The following DIPK1A variants were observed in gnomAD, a reference collection of about 807,000 sequenced individuals.
DIPK1A encodes the protein divergent protein kinase domain 1A, also known as family with sequence similarity 69 member A.
A neutral mutation model predicts 40.8 loss-of-function variants in DIPK1A; 27 were observed. That is an observed-to-expected ratio of 0.66 (90% CI 0.49 to 0.91). The LOEUF (loss-of-function observed/expected upper bound fraction) is 0.91. DIPK1A is among the 40% of genes least tolerant of loss of function. The pLI is 0.00. For synonymous variants in DIPK1A, 166 were observed against 171.3 expected (o/e 0.97, Z 0.24); for missense variants, 412 against 505.7 (o/e 0.81, Z 1.78).
intron 1 of DIPK1A, among the ~76,000 whole-genome samples, chr1:92,923,427 CA>C (rs1370054319): frequency 6.6e-6 from 1 of 152,208 alleles, no homozygotes; most frequent in Non-Finnish European, 1.5e-5. Context: ...TGAGCCACCT[CA>C]CTCAGCCTGT....
At chr1:92,933,483 GAGGCC>G (rs1284400203) in intron 1 of DIPK1A, 1 of 152,186 alleles carries the variant, frequency 6.6e-6, no homozygotes, top group Admixed American at 6.5e-5. Context: ...AAGACTGCTT[GAGGCC>G]AGGAGTTTGA....
chr1:92,875,713 C>CA (rs748661421), intron 2 of DIPK1A, among the ~76,000 whole-genome samples: 1,617 of 54,134 alleles, frequency 0.03, 10 homozygotes, highest in South Asian at 0.091. Flanking sequence ...GACTTCGTCT[C>CA]AAAAAAAAAA....
chr1:92,961,303 G>A (rs1652079877), intron 1 of DIPK1A, 73 bp downstream of exon 1: 1 of 1,172,760 alleles, frequency 8.5e-7, no homozygotes, highest in Non-Finnish European at 1.2e-6. Context: ...GGGAGCGGGC[G>A]AGTCCTGCGC....
At chr1:92,861,982 A>G (rs1452738534) in intron 2 of DIPK1A, among the ~76,000 whole-genome samples, 4 of 152,042 alleles carry the variant, frequency 2.6e-5, no homozygotes, top group Non-Finnish European at 5.9e-5. Flanking sequence ...GTTTCGCCAT[A>G]TTGCTCAGGC....
chr1:92,944,922 C>T lies in DIPK1A; in HGVS notation c.54+16454G>A, dbSNP rs977593338. Among the ~76,000 whole-genome samples, 4 of 152,226 alleles carry T rather than the reference C, an allele frequency of 2.6e-5. 1 individual carries two copies. The highest frequency in any genetic ancestry group is 2.0e-4 in the Admixed American group (3 of 15,280). Reference sequence around the variant, plus strand: ...AAAGTGCTGGGATCACAGGGGTGAGCCACTGTGCCTGGCCAAAGACAGTTT... The same window carrying T: ...AAAGTGCTGGGATCACAGGGGTGAGTCACTGTGCCTGGCCAAAGACAGTTT... On this transcript the variant is annotated intron_variant, in intron 1 of 4. Coordinates refer to ENST00000370310, the MANE Select transcript of DIPK1A (RefSeq NM_001006605.5).
intron 1 of DIPK1A, among the ~76,000 whole-genome samples, chr1:92,916,425 C>T (rs1357675152): frequency 6.6e-6 from 1 of 151,432 alleles, no homozygotes; most frequent in Non-Finnish European, 1.5e-5. Flanking sequence ...CCTCAGTCTT[C>T]CAAGTAGCTG....
At chr1:92,918,363 G>A (rs1375704195) in intron 1 of DIPK1A, among the ~76,000 whole-genome samples, 1 of 152,110 alleles carries the variant, frequency 6.6e-6, no homozygotes, top group Non-Finnish European at 1.5e-5. Flanking sequence ...TGGCCAGGCT[G>A]GTCTTGAACT....
intron 1 of DIPK1A, among the ~76,000 whole-genome samples, chr1:92,912,785 A>G (rs895962732): frequency 6.6e-6 from 1 of 152,178 alleles, no homozygotes; most frequent in African/African-American, 2.4e-5. Flanking sequence ...ACTACCAGCC[A>G]CAACATCATG....
In DIPK1A at chr1:92,954,652, G is replaced by C. The variant is rs562002884; in HGVS notation, c.54+6724C>G. Among the ~76,000 whole-genome samples the C allele has an allele frequency of 2.0e-5, 3 of 152,200 alleles. No individual in the cohort carries two copies. The South Asian group carries it at 6.2e-4, about 32-fold the overall frequency. On this transcript the variant is annotated intron_variant, in intron 1 of 4. Transcript: ENST00000370310. ...AGCCTCTCAAAGTGCTGGGATTACA[G>C]ACGTGAGCCTCCGTGCCCAGCCGAC...
At chr1:92,844,247 C>G in intron 4 of DIPK1A, 52 bp from the exon 5 acceptor site, 1 of 1,130,592 alleles carries the variant, frequency 8.8e-7, no homozygotes. Flanking sequence ...ACCTCCCATG[C>G]AACATACTAA....
intron 2 of DIPK1A, among the ~76,000 whole-genome samples, chr1:92,874,067 A>G (rs1351139612): frequency 1.3e-5 from 2 of 152,194 alleles, no homozygotes; most frequent in East Asian, 1.9e-4. Context: ...AAAATGATGT[A>G]TTTTAGACTC....
At chr1:92,910,950 T>G (rs1337920833) in intron 1 of DIPK1A, among the ~76,000 whole-genome samples, 2 of 152,208 alleles carry the variant, frequency 1.3e-5, no homozygotes. Context: ...GTTGCCTTTT[T>G]ATAGCCACAT....
At chr1:92,837,154 G>T in intron 4 of DIPK1A, 1 of 492,114 alleles carries the variant, frequency 2.0e-6, no homozygotes, top group Non-Finnish European at 3.8e-6. Context: ...AGGATTTAGA[G>T]TATAAGTTTT....
At chr1:92,835,691 G>C (rs1056323000) in intron 4 of DIPK1A, among the ~76,000 whole-genome samples, 2 of 150,134 alleles carry the variant, frequency 1.3e-5, no homozygotes, top group Non-Finnish European at 3.0e-5. Context: ...GAGAATCTTA[G>C]TGTTTTGGAG....
intron 2 of DIPK1A, among the ~76,000 whole-genome samples, chr1:92,868,343 G>T (rs1375343574): frequency 6.6e-6 from 1 of 152,166 alleles, no homozygotes; most frequent in East Asian, 1.9e-4. Context: ...AAACGTACAT[G>T]GTGTTACTAA....
At chr1:92,840,763 G>A (rs755092226), downstream of DIPK1A, 2 of 783,046 alleles carry the variant, frequency 2.6e-6, no homozygotes, top group Non-Finnish European at 4.6e-6. Context: ...CAGAAGCGAA[G>A]GGAACCAGGT....
At chr1:92,913,046 G>C (rs1165647806) in intron 1 of DIPK1A, among the ~76,000 whole-genome samples, 2 of 152,124 alleles carry the variant, frequency 1.3e-5, no homozygotes, top group Non-Finnish European at 2.9e-5. Flanking sequence ...CGGGGCTGCA[G>C]TGAGCAGCCT....
intron 1 of DIPK1A, among the ~76,000 whole-genome samples, chr1:92,893,147 G>C (rs1269787210): frequency 1.3e-5 from 2 of 151,404 alleles, no homozygotes; most frequent in Non-Finnish European, 2.9e-5. Flanking sequence ...AGGAAATACA[G>C]AGAACGCCAC....
chr1:92,895,086 C>A (rs1395601827), intron 1 of DIPK1A, among the ~76,000 whole-genome samples: 1 of 152,074 alleles, frequency 6.6e-6, no homozygotes, highest in Non-Finnish European at 1.5e-5. Context: ...CAAGGAGGAG[C>A]TGGTACCATT....
Sources: allele counts gnomAD v4.1 joint callset (sites outside exome capture counted in the v4.1 genomes callset), GRCh38; gene constraint gnomAD v4.1.1; transcripts MANE v1.5; gene names NCBI Gene and HGNC (gene_info 2026-07-23, HGNC 2026-07-21).